SMYD3: variants seen among roughly 807,000 people sequenced by gnomAD.
SMYD3 encodes the protein SET and MYND domain containing 3, also known as histone-lysine N-methyltransferase SMYD3.
In SMYD3, 36 loss-of-function variants were observed where a neutral mutation model predicts 57.7. The observed-to-expected ratio is 0.62, with a 90% CI of 0.48 to 0.82. The LOEUF is 0.82. Ranked by LOEUF, SMYD3 falls within the 40% of genes least tolerant of loss-of-function variation. The pLI, the probability that SMYD3 is intolerant of heterozygous loss-of-function variation, is 0.00. For missense variants in SMYD3, 515 were observed against 538.8 expected, an observed-to-expected ratio of 0.96 and a Z score of 0.44; for synonymous variants, 211 against 195.0, an observed-to-expected ratio of 1.08 and a Z score of -0.68.
intron 8 of SMYD3, among the ~76,000 whole-genome samples, chr1:245,873,762 C>G (rs1435090603): frequency 6.6e-6 from 1 of 152,182 alleles, no homozygotes; most frequent in Non-Finnish European, 1.5e-5. Context: ...GACATTCAGA[C>G]ATGGGATGAA....
chr1:245,964,059 G>A (rs561108838), intron 5 of SMYD3, among the ~76,000 whole-genome samples: 29 of 152,270 alleles, frequency 1.9e-4, no homozygotes, highest in African/African-American at 6.3e-4. Context: ...GAGTGTAGGC[G>A]TCTGCTTCTG....
At chr1:246,377,489 C>A (rs1488654457) in intron 1 of SMYD3, among the ~76,000 whole-genome samples, 1 of 151,900 alleles carries the variant, frequency 6.6e-6, no homozygotes, top group Non-Finnish European at 1.5e-5. Context: ...CCTGCCTCAG[C>A]CTCCCGAGTA....
chr1:245,954,590 C>T (rs556133486), intron 5 of SMYD3, among the ~76,000 whole-genome samples: 15 of 152,242 alleles, frequency 9.9e-5, no homozygotes, highest in African/African-American at 2.9e-4. Flanking sequence ...GTGGAAGGCT[C>T]GCTTGAGCCC....
At chr1:245,948,192 A>G (rs758996972) in intron 5 of SMYD3, among the ~76,000 whole-genome samples, 12 of 152,248 alleles carry the variant, frequency 7.9e-5, no homozygotes, top group Non-Finnish European at 1.8e-4. Flanking sequence ...GAGAAGATGC[A>G]TCTGGAACTT....
intron 1 of SMYD3, among the ~76,000 whole-genome samples, chr1:246,466,236 A>G (rs976383424): frequency 4.6e-5 from 7 of 152,260 alleles, no homozygotes; most frequent in African/African-American, 1.7e-4. Context: ...ACACATGCAC[A>G]TGTATATTTA....
chr1:246,183,069 A>C (rs2062579442), intron 5 of SMYD3, among the ~76,000 whole-genome samples: 1 of 152,120 alleles, frequency 6.6e-6, no homozygotes, highest in Non-Finnish European at 1.5e-5. Flanking sequence ...TTTGGCTTTT[A>C]TCTAAGGCCC....
rs2060413445 is a variant in SMYD3 at position 246,069,921 on chromosome 1, T to C, written c.532-139984A>G. ...TCATCTCCCCCACATCCCTCCTACG[T>C]GGAGCCTTAGTTTGGGGGGAAGTGA... On this transcript the variant is annotated intron_variant, in intron 5 of 11. Coordinates refer to ENST00000490107, the MANE Select transcript of SMYD3 (RefSeq NM_001167740.2). Among the ~76,000 whole-genome samples the C allele has an allele frequency of 3.3e-5, 5 of 152,304 alleles. No homozygotes were observed. In the South Asian group the frequency reaches 1.0e-3, roughly 32 times the overall value.
chr1:246,156,652 G>A (rs1217019488), intron 5 of SMYD3, among the ~76,000 whole-genome samples: 2 of 152,272 alleles, frequency 1.3e-5, no homozygotes, highest in Non-Finnish European at 2.9e-5. Flanking sequence ...AGAGTCTAGT[G>A]GAGGAAACTA....
intron 1 of SMYD3, among the ~76,000 whole-genome samples, chr1:246,367,860 A>AT (rs1038583880): frequency 6.6e-6 from 1 of 152,188 alleles, no homozygotes; most frequent in Non-Finnish European, 1.5e-5. Context: ...TATTGATATT[A>AT]TTTTTTACCA....
intron 5 of SMYD3, among the ~76,000 whole-genome samples, chr1:246,175,501 C>A (rs1168323563): frequency 6.6e-6 from 1 of 152,158 alleles, no homozygotes; most frequent in Non-Finnish European, 1.5e-5. Flanking sequence ...CCCTCTACCA[C>A]CTGAGGATTA....
chr1:245,819,361 A>C, intron 10 of SMYD3, among the ~76,000 whole-genome samples: 3 of 116,678 alleles, frequency 2.6e-5, no homozygotes, highest in South Asian at 6.3e-4. Flanking sequence ...ACAAAGACAC[A>C]ACATACCAGA....
intron 5 of SMYD3, among the ~76,000 whole-genome samples, chr1:246,283,982 A>G (rs1157522914): frequency 6.6e-6 from 1 of 152,264 alleles, no homozygotes; most frequent in East Asian, 1.9e-4. Flanking sequence ...CATATCAACC[A>G]GTAGAAAAAT....
intron 5 of SMYD3, among the ~76,000 whole-genome samples, chr1:246,180,750 ACT>A (rs1352687014): frequency 1.5e-5 from 2 of 130,788 alleles, no homozygotes; most frequent in African/African-American, 5.9e-5. Flanking sequence ...ACAGAGCAAG[ACT>A]CTGTCTCAAA....
intron 11 of SMYD3, among the ~76,000 whole-genome samples, chr1:245,763,600 G>C (rs958703461): frequency 6.6e-6 from 1 of 152,084 alleles, no homozygotes; most frequent in African/African-American, 2.4e-5. Context: ...GAGGAAGGGC[G>C]GGGAGAAGTG....
At chr1:246,487,088 C>T (rs1218176180) in intron 1 of SMYD3, among the ~76,000 whole-genome samples, 6 of 152,156 alleles carry the variant, frequency 3.9e-5, no homozygotes. Context: ...CGGTACAAGA[C>T]ACAATACCTG....
chr1:245,829,099 T>C (rs1572457115), intron 10 of SMYD3, among the ~76,000 whole-genome samples: 2 of 129,378 alleles, frequency 1.5e-5, no homozygotes. Context: ...TGTACTGCCC[T>C]CCAGAAGGAA....
chr1:246,098,017 T>G (rs909115471), intron 5 of SMYD3, among the ~76,000 whole-genome samples: 3 of 152,228 alleles, frequency 2.0e-5, no homozygotes, highest in African/African-American at 7.2e-5. Flanking sequence ...ACCCTGTTCT[T>G]CCTTCCTGTG....
At chr1:246,346,582 A>G (rs906189843) in intron 2 of SMYD3, among the ~76,000 whole-genome samples, 1 of 152,118 alleles carries the variant, frequency 6.6e-6, no homozygotes, top group African/African-American at 2.4e-5. Context: ...TGGCAGCAGG[A>G]TGGAGAAGTG....
intron 2 of SMYD3, among the ~76,000 whole-genome samples, chr1:246,352,160 A>T (rs1284645883): frequency 8.8e-6 from 1 of 113,708 alleles, no homozygotes; most frequent in East Asian, 2.2e-4. Context: ...AAAAAAAAAA[A>T]AAACATAAAG....
Sources: gnomAD v4.1 joint callset for allele counts (sites outside exome capture counted in the v4.1 genomes callset) on GRCh38, gnomAD v4.1.1 for gene constraint, MANE v1.5 for transcripts, NCBI Gene and HGNC (gene_info 2026-07-23, HGNC 2026-07-21) for gene names.